The following THAP4 variants were observed in gnomAD, a reference collection of about 807,000 sequenced individuals.
THAP4 encodes peroxynitrite isomerase THAP4.
Under a neutral mutation model 48.1 loss-of-function variants are expected in THAP4, and 18 were observed. The ratio of observed to expected loss-of-function variants is 0.37; its 90% CI spans 0.26 to 0.56. The LOEUF (loss-of-function observed/expected upper bound fraction) is 0.56, where lower values mean the gene tolerates loss of function less well. THAP4 is among the 20% of genes least tolerant of loss of function. The pLI is 0.78. For synonymous variants in THAP4, 345 were observed against 324.9 expected (o/e 1.06, Z -0.66); for missense variants, 656 against 774.9 (o/e 0.85, Z 1.82).
chr2:241,596,264 T>C (rs1335154802), intron 5 of THAP4, among the ~76,000 whole-genome samples: 2 of 150,942 alleles, frequency 1.3e-5, no homozygotes, highest in Non-Finnish European at 3.0e-5. Flanking sequence ...CCCAGCATTC[T>C]GGGAGGCTGA....
At chr2:241,619,362 C>T (rs28630738) in intron 2 of THAP4, among the ~76,000 whole-genome samples, 22,600 of 152,218 alleles carry the variant, frequency 0.15, 1,874 homozygotes, top group Middle Eastern at 0.27. Flanking sequence ...ATGGGGGATG[C>T]GTTGACAAAC....
intron 2 of THAP4, among the ~76,000 whole-genome samples, chr2:241,627,108 C>A (rs2067503759): frequency 6.6e-6 from 1 of 152,112 alleles, no homozygotes; most frequent in Non-Finnish European, 1.5e-5. Context: ...CACCCCCTGC[C>A]CTGTTCCCCT....
Position 241,633,582 on chromosome 2 carries a change from G to T in THAP4, c.575C>A (p.Ala192Glu), listed in dbSNP as rs147957437. 2,169 of 1,613,580 alleles carry T rather than the reference G, an allele frequency of 1.3e-3. 4 individuals are homozygous for T. Among genetic ancestry groups the T allele is most frequent in the Non-Finnish European group, 1.6e-3 (1,862 of 1,179,872 alleles). ...MVAGSQGKAEASATDAGDESA... is the reference protein window; with the variant it reads ...MVAGSQGKAEESATDAGDESA... ...CTCATCGCCAGCATCTGTGGCAGACGCTTCTGCTTTTCCCTGACTGCCTGC... is the reference window on the plus strand; with the variant it reads ...CTCATCGCCAGCATCTGTGGCAGACTCTTCTGCTTTTCCCTGACTGCCTGC... The change falls in exon 2 of 6, where the codon GCG becomes GAG. Residue 192 changes from alanine (A) to glutamate (E), a missense_variant. Physicochemically the swap from Ala to Glu is moderately radical, Grantham distance 107 (BLOSUM62 -1). This residue lies in a region of THAP4 where 391 missense variants were observed against 412.4 expected (regional missense o/e 0.95). Transcript: ENST00000407315. The surrounding 1 kb of genome is among the most constrained non-coding windows in gnomAD (Gnocchi z 7.5).
At chr2:241,604,849 C>T (rs750232201) in intron 3 of THAP4, among the ~76,000 whole-genome samples, 7 of 152,218 alleles carry the variant, frequency 4.6e-5, no homozygotes, top group Admixed American at 2.0e-4. Context: ...CGAGCCACCG[C>T]GCTGGGCCAA....
At chr2:241,597,698 G>A (rs1053499371) in intron 5 of THAP4, among the ~76,000 whole-genome samples, 2 of 152,156 alleles carry the variant, frequency 1.3e-5, no homozygotes, top group African/African-American at 4.8e-5. Context: ...CCTTCTGTGT[G>A]TGCTTCCTGG....
intron 5 of THAP4, among the ~76,000 whole-genome samples, chr2:241,590,369 G>C (rs2066946827): frequency 6.6e-6 from 1 of 151,128 alleles, no homozygotes; most frequent in Non-Finnish European, 1.5e-5. Context: ...ACTCAGAACT[G>C]CCCGGCTGAT....
Position 241,610,142 on chromosome 2 carries a change from G to C in THAP4, c.1241-3669C>G, listed in dbSNP as rs1211918001. On this transcript the variant is annotated intron_variant, in intron 2 of 5. Coordinates refer to ENST00000407315, the MANE Select transcript of THAP4 (RefSeq NM_015963.6). The surrounding 1 kb of genome is among the most constrained non-coding windows in gnomAD (Gnocchi z 4.2). ...CGCCCCCCAGGGTCCCAGTGGAACA[G>C]GGGCACCAGGGCCGCGGCGCCGGGC... Among the ~76,000 whole-genome samples, 11 of 152,194 alleles carry C rather than the reference G, an allele frequency of 7.2e-5. No homozygotes were observed. The highest frequency in any genetic ancestry group is 2.9e-5 in the Non-Finnish European group (2 of 68,026).
In THAP4 at chr2:241,612,369, T is replaced by C. The variant is rs1271388687; in HGVS notation, c.1241-5896A>G. On this transcript the variant is annotated intron_variant, in intron 2 of 5. Transcript: ENST00000407315. The surrounding 1 kb of genome is among the most constrained non-coding windows in gnomAD (Gnocchi z 4.1). ...ACAGCCTAGTGAAGACCATCTGGCA[T>C]GTGCCTGAGAGGTTAAGTGTGGAGC... 6.6e-6 allele frequency among the ~76,000 whole-genome samples: 1 copy of C among 152,212 alleles called. No homozygotes were observed. Among genetic ancestry groups the C allele is most frequent in the African/African-American group, 2.4e-5 (1 of 41,446 alleles).
At chr2:241,600,727 CAAA>C (rs35546566) in intron 5 of THAP4, among the ~76,000 whole-genome samples, 4 of 88,762 alleles carry the variant, frequency 4.5e-5, no homozygotes, top group Admixed American at 1.2e-4. Flanking sequence ...GACTCCGTCT[CAAA>C]AAAAAAAAAA....
chr2:241,606,199 C>G, intron 3 of THAP4, 115 bp downstream of exon 3: 2 of 971,594 alleles, frequency 2.1e-6, no homozygotes, highest in Non-Finnish European at 1.4e-6. Flanking sequence ...AATAGATGGA[C>G]AAGTTCCTTT....
chr2:241,599,681 G>A (rs2067089609), intron 5 of THAP4, among the ~76,000 whole-genome samples: 3 of 152,140 alleles, frequency 2.0e-5, no homozygotes, highest in African/African-American at 7.2e-5. Context: ...TGCTACCCAT[G>A]AAAATATGTC....
chr2:241,587,896 CAA>C (rs1192677404), intron 5 of THAP4, among the ~76,000 whole-genome samples: 1 of 150,426 alleles, frequency 6.6e-6, no homozygotes, highest in Non-Finnish European at 1.5e-5. Context: ...GCCTGGGCAA[CAA>C]GAGAGAAACT....
chr2:241,633,629 T>A lies in THAP4; in HGVS notation c.528A>T (p.Gly176=). ...CTGCCACCATGGTGGCCAGTCCATC[T>A]CCTGGAGTCCGTTCCAGAGCTTGCT... The part of the protein sequence containing the change: ...QAQQALERTP[G]DGLATMVAGS... Residue 176 remains glycine, a synonymous_variant, in exon 2 of 6, where the codon GGA becomes GGT. Transcript: ENST00000407315. This position sits in a 1 kb window ranked among gnomAD's most constrained non-coding sequence, Gnocchi z 7.5. 1 of 1,613,054 alleles carries A rather than the reference T, an allele frequency of 6.2e-7. No individual in the cohort carries two copies. The highest frequency in any genetic ancestry group is 8.5e-7 in the Non-Finnish European group (1 of 1,179,982).
chr2:241,636,970 C>CT lies in THAP4; in HGVS notation c.47dup (p.Glu18ArgfsTer29). 1 of 1,321,928 alleles carries CT rather than the reference C, an allele frequency of 7.6e-7. No individual in the cohort carries two copies. The highest frequency in any genetic ancestry group is 9.9e-7 in the Non-Finnish European group (1 of 1,012,720). 81.9% of individuals were successfully genotyped at this position (1,321,928 alleles called of 1,614,324 possible). A position where few individuals can be genotyped will look rare whatever the true frequency, so the allele number is the denominator to read the frequency against. ...GGAAGGAGACGGCGCGCTTCTCGCC[C>CT]TTTCCCTGCCGGTTGGAGCAGTTCA... On this transcript the variant is annotated frameshift_variant, in exon 1 of 6. Transcript: ENST00000407315. LOFTEE classifies it high-confidence loss of function.
intron 2 of THAP4, among the ~76,000 whole-genome samples, chr2:241,611,505 C>T (rs2067275866): frequency 6.6e-6 from 1 of 152,176 alleles, no homozygotes. Context: ...GGTGGATCAT[C>T]TGAGGTCAGG....
chr2:241,591,837 A>C (rs771071104), intron 5 of THAP4: 3 of 152,236 alleles, frequency 2.0e-5, no homozygotes, highest in Non-Finnish European at 4.4e-5. Flanking sequence ...CTAAGACATT[A>C]AAAACAGAAT....
At chr2:241,618,498 T>G (rs2067374666) in intron 2 of THAP4, among the ~76,000 whole-genome samples, 1 of 152,178 alleles carries the variant, frequency 6.6e-6, no homozygotes, top group South Asian at 2.1e-4. Context: ...AGCTTCCGGT[T>G]TCCACTCTCA....
At chr2:241,627,990 T>G (rs1043921330) in intron 2 of THAP4, among the ~76,000 whole-genome samples, 1 of 152,002 alleles carries the variant, frequency 6.6e-6, no homozygotes, top group African/African-American at 2.4e-5. Context: ...TCACTCCACT[T>G]CACGGCCAAA....
rs372089541 is a variant in THAP4, at chr2:241,584,583, C to A, written c.*23G>T. 2 of 1,613,786 alleles carry A rather than the reference C, an allele frequency of 1.2e-6. No homozygotes were observed. The highest frequency in any genetic ancestry group is 1.7e-6 in the Non-Finnish European group (2 of 1,179,850). On this transcript the variant is annotated 3_prime_UTR_variant, in exon 6 of 6. Coordinates refer to ENST00000407315, the MANE Select transcript of THAP4 (RefSeq NM_015963.6). ...TTGAGGCACAGTAGCCAGGCCCTCCCGAGGGCTCCAGAAGCTCTAGGTTTA... is the reference window on the plus strand; with the variant it reads ...TTGAGGCACAGTAGCCAGGCCCTCCAGAGGGCTCCAGAAGCTCTAGGTTTA...
Sources: allele counts gnomAD v4.1 joint callset (sites outside exome capture counted in the v4.1 genomes callset), GRCh38; gene constraint gnomAD v4.1.1; regional missense constraint gnomAD v4.1.1; non-coding constraint Gnocchi (gnomAD v3.1); transcripts MANE v1.5; gene names NCBI Gene and HGNC (gene_info 2026-07-23, HGNC 2026-07-21).